The following COL4A2 variants were observed in gnomAD, a reference collection of about 807,000 sequenced individuals.
COL4A2 encodes collagen type IV alpha 2 chain.
A neutral mutation model predicts 200.2 loss-of-function variants in COL4A2; 99 were observed. The observed-to-expected ratio is 0.49, with a 90% CI of 0.42 to 0.58. COL4A2 has a LOEUF of 0.58. COL4A2 is among the 20% of genes least tolerant of loss of function. The pLI is 0.00. For missense variants in COL4A2, 1,950 were observed against 2,314.1 expected, an observed-to-expected ratio of 0.84 and a Z score of 3.23; for synonymous variants, 897 against 900.6, an observed-to-expected ratio of 1.00 and a Z score of 0.07.
chr13:110,465,472 C>A lies in COL4A2; in HGVS notation c.1844C>A (p.Pro615Gln), dbSNP rs768824750. The A allele has an allele frequency of 8.7e-6, 14 of 1,614,026 alleles. No individual in the cohort carries two copies. The South Asian group carries it at 1.5e-4, about 18-fold the overall frequency. The change falls in exon 25 of 48, where the codon CCA becomes CAA. Residue 615 changes from proline to glutamine, a missense_variant. Pro to Gln is a moderately conservative substitution (Grantham distance 76, BLOSUM62 -1). This residue lies in a region of COL4A2 where 1,385 missense variants were observed against 1,720.5 expected (regional missense o/e 0.80). Transcript: ENST00000360467. ...GGAATACCTGGAACGAAGGGTACTC[C>A]AGGAGAAATGGGCCCCCCAGGACTG... ...YPGIPGTKGT[P>Q]GEMGPPGLGL...
At position 110,457,372 on chromosome 13, in the gene COL4A2, G is replaced by A. The variant is rs1387736913; in HGVS notation, c.1369G>A (p.Gly457Arg). ...GFLFGLKGAK[G>R]RAGFPGLPGS... ...CCTGTTTGGGCTGAAAGGAGCAAAAGGAAGAGCAGGCTTCCCTGGGCTTCC... is the reference window on the plus strand; with the variant it reads ...CCTGTTTGGGCTGAAAGGAGCAAAAAGAAGAGCAGGCTTCCCTGGGCTTCC... Residue 457 changes from glycine to arginine, a missense_variant, in exon 21 of 48, where the codon GGA becomes AGA. Gly to Arg is a moderately radical substitution (Grantham distance 125). Transcript: ENST00000360467. 2 of 1,613,606 alleles carry A rather than the reference G, an allele frequency of 1.2e-6. No homozygotes were observed. The highest frequency in any genetic ancestry group is 1.7e-6 in the Non-Finnish European group (2 of 1,179,622).
intron 7 of COL4A2, chr13:110,429,449 T>C (rs1880593411): frequency 5.8e-6 from 1 of 172,638 alleles, no homozygotes; most frequent in Admixed American, 5.7e-5. Context: ...TGTATATGCC[T>C]ACTGTTTATA....
chr13:110,324,455 C>G (rs1231117315), intron 3 of COL4A2, among the ~76,000 whole-genome samples: 1 of 152,192 alleles, frequency 6.6e-6, no homozygotes. Context: ...GGAGAGGGAT[C>G]TGAGTCCACA....
rs200493896 is a variant in COL4A2 at position 110,474,683 on chromosome 13, G to A, written c.2425+1533G>A. Among the ~76,000 whole-genome samples the A allele has an allele frequency of 8.0e-4, 92 of 114,344 alleles. 20 individuals are homozygous for A. The East Asian group carries it at 0.02, about 24-fold the overall frequency. 75.0% of individuals were successfully genotyped at this position (114,344 alleles called of 152,430 possible). A position where few individuals can be genotyped will look rare whatever the true frequency, so the allele number is the denominator to read the frequency against. On this transcript the variant is annotated intron_variant, in intron 29 of 47. Transcript: ENST00000360467. ...ACACATGATCACACTCCTTACACAC[G>A]TACCCACACACGTGCCTGTGTACAC... is the stretch of plus-strand genomic sequence containing the variant.
chr13:110,501,896 C>A, intron 41 of COL4A2, 112 bp downstream of exon 41: 1 of 1,084,948 alleles, frequency 9.2e-7, no homozygotes, highest in South Asian at 1.4e-5. Flanking sequence ...TGCCCAGACT[C>A]CGGTCAAAGA....
In COL4A2 at chr13:110,361,837, C is replaced by T. The variant is rs1356307629; in HGVS notation, c.180+4285C>T. Among the ~76,000 whole-genome samples, 3 of 152,196 alleles carry T rather than the reference C, an allele frequency of 2.0e-5. No homozygotes were observed. In the East Asian group the frequency reaches 5.8e-4, roughly 29 times the overall value. On this transcript the variant is annotated intron_variant, in intron 4 of 47. Coordinates refer to ENST00000360467, the MANE Select transcript of COL4A2 (RefSeq NM_001846.4). ...CTGTGTACCGGCTGCTTGGCACTGC[C>T]CACTTCCCCTCCCTGGGCAGAGCTG...
rs1055111035 is a variant in COL4A2 at position 110,477,553 on chromosome 13, C to G, written c.2426-450C>G. Among the ~76,000 whole-genome samples, 12 of 152,286 alleles carry G rather than the reference C, an allele frequency of 7.9e-5. No homozygotes were observed. In the East Asian group the frequency reaches 1.5e-3, roughly 20 times the overall value. ...AAAAAAGAAAACTCCCCAACTATTC[C>G]TGACAGTGCTGTTTGCAAAAGTGAA... On this transcript the variant is annotated intron_variant, in intron 29 of 47. Transcript: ENST00000360467.
intron 4 of COL4A2, among the ~76,000 whole-genome samples, chr13:110,414,058 C>G (rs963564562): frequency 1.3e-5 from 2 of 152,348 alleles, no homozygotes; most frequent in East Asian, 3.9e-4. Context: ...GCCTGTAACC[C>G]CAGCACTTTG....
At chr13:110,312,211 G>A (rs965386830) in intron 3 of COL4A2, among the ~76,000 whole-genome samples, 1 of 152,128 alleles carries the variant, frequency 6.6e-6, no homozygotes, top group African/African-American at 2.4e-5. Context: ...TTCCTCCATG[G>A]GTGGCTTGTA....
chr13:110,374,196 A>C (rs1878139285), intron 4 of COL4A2, among the ~76,000 whole-genome samples: 1 of 152,158 alleles, frequency 6.6e-6, no homozygotes, highest in Non-Finnish European at 1.5e-5. Context: ...AGCACTTTAC[A>C]TCCATTCACA....
chr13:110,506,987 T>G (rs775679615), intron 46 of COL4A2, among the ~76,000 whole-genome samples: 19 of 152,210 alleles, frequency 1.2e-4, no homozygotes, highest in Non-Finnish European at 2.6e-4. Flanking sequence ...GGGGTTCATG[T>G]AAGACTCTCC....
chr13:110,316,552 G>C (rs950277517), intron 3 of COL4A2, among the ~76,000 whole-genome samples: 1 of 152,162 alleles, frequency 6.6e-6, no homozygotes, highest in African/African-American at 2.4e-5. Flanking sequence ...ATTCTTTGTG[G>C]GATCACCAGA....
Position 110,489,210 on chromosome 13 carries a change from A to T in COL4A2, c.3208-235A>T, listed in dbSNP as rs439371. 0.15 allele frequency among the ~76,000 whole-genome samples: 22,325 copies of T among 152,132 alleles called. 1,655 individuals carry two copies. Among genetic ancestry groups the T allele is most frequent in the African/African-American group, 0.2 (8,189 of 41,468 alleles). ...ATGATTGTGCTTCTGCACTCCAGCC[A>T]GGGTGACAGACTGCGATCCTGTCTC... On this transcript the variant is annotated intron_variant, in intron 34 of 47. Coordinates refer to ENST00000360467, the MANE Select transcript of COL4A2 (RefSeq NM_001846.4).
chr13:110,365,483 G>T (rs371273506), intron 4 of COL4A2, among the ~76,000 whole-genome samples: 1 of 152,096 alleles, frequency 6.6e-6, no homozygotes, highest in South Asian at 2.1e-4. Flanking sequence ...ATTGAATGGC[G>T]CACCAAAGTA....
chr13:110,464,122 A>G (rs1882139775), intron 24 of COL4A2, among the ~76,000 whole-genome samples: 2 of 152,060 alleles, frequency 1.3e-5, no homozygotes, highest in Admixed American at 1.3e-4. Context: ...TTGTTACGGT[A>G]GTGGTGGCCT....
rs759600188 is a variant in COL4A2 at position 110,429,974 on chromosome 13, G to A, written c.549+18G>A. The A allele has an allele frequency of 1.3e-5, 20 of 1,580,454 alleles. No individual in the cohort carries two copies. Among genetic ancestry groups the A allele is most frequent in the African/African-American group, 6.9e-5 (5 of 72,546 alleles). ...GATATCGGGTACGTTTGCAAGAGAT[G>A]GGAGGGGTAATGAAGGGACCCAGTG... On this transcript the variant is annotated intron_variant, in intron 8 of 47. Transcript: ENST00000360467.
At chr13:110,371,834 G>C (rs1329633868) in intron 4 of COL4A2, among the ~76,000 whole-genome samples, 1 of 152,142 alleles carries the variant, frequency 6.6e-6, no homozygotes, top group African/African-American at 2.4e-5. Context: ...GCCGTGCCGG[G>C]AGCTCATTGT....
At chr13:110,438,937 G>A (rs1297020535) in intron 15 of COL4A2, among the ~76,000 whole-genome samples, 3 of 152,180 alleles carry the variant, frequency 2.0e-5, no homozygotes, top group South Asian at 2.1e-4. Flanking sequence ...GGCCCTCCCC[G>A]TGGAGGAGGC....
intron 29 of COL4A2, among the ~76,000 whole-genome samples, chr13:110,474,982 G>A (rs1044470166): frequency 6.6e-6 from 1 of 150,724 alleles, no homozygotes; most frequent in Non-Finnish European, 1.5e-5. Context: ...CCACACACGT[G>A]CCTGTGCACA....
Sources: allele counts gnomAD v4.1 joint callset (sites outside exome capture counted in the v4.1 genomes callset), GRCh38; gene constraint gnomAD v4.1.1; regional missense constraint gnomAD v4.1.1; transcripts MANE v1.5; gene names NCBI Gene and HGNC (gene_info 2026-07-23, HGNC 2026-07-21).